The following DCUN1D4 variants were observed in gnomAD, a reference collection of about 807,000 sequenced individuals.
DCUN1D4 encodes the protein DCN1-like protein 4.
A neutral mutation model predicts 47.9 loss-of-function variants in DCUN1D4; 22 were observed. The ratio of observed to expected loss-of-function variants is 0.46; its 90% CI spans 0.33 to 0.66. The LOEUF (loss-of-function observed/expected upper bound fraction) is 0.66. DCUN1D4 is among the 30% of genes least tolerant of loss of function. DCUN1D4 has a pLI of 0.02. For missense variants in DCUN1D4, 301 were observed against 340.8 expected, an observed-to-expected ratio of 0.88 and a Z score of 0.92; for synonymous variants, 121 against 112.2, an observed-to-expected ratio of 1.08 and a Z score of -0.50.
At chr4:51,870,487 A>C (rs559837578) in intron 3 of DCUN1D4, among the ~76,000 whole-genome samples, 7 of 152,198 alleles carry the variant, frequency 4.6e-5, no homozygotes, top group African/African-American at 1.7e-4. Flanking sequence ...TAGGTGTTTT[A>C]AGTCTCTGGA....
chr4:51,867,101 G>A (rs189244776), intron 3 of DCUN1D4, among the ~76,000 whole-genome samples: 5 of 152,374 alleles, frequency 3.3e-5, no homozygotes, highest in Admixed American at 6.5e-5. Flanking sequence ...GTAGCTCCAG[G>A]TGCCAGCACA....
chr4:51,843,158 C>A lies in DCUN1D4; in HGVS notation c.-85C>A. The A allele has an allele frequency of 6.6e-7, 1 of 1,520,658 alleles. No individual in the cohort carries two copies. The highest frequency in any genetic ancestry group is 8.8e-7 in the Non-Finnish European group (1 of 1,134,620). The allele number at this position is 1,520,658 out of a possible 1,614,324, so 94.2% of individuals were successfully genotyped here. ...GTGCCCGGCGGCGGGTCCTCAGCTTCGAGCCGAGGTGCAGTGAGCTGGTGG... is the reference window on the plus strand; with the variant it reads ...GTGCCCGGCGGCGGGTCCTCAGCTTAGAGCCGAGGTGCAGTGAGCTGGTGG... On this transcript the variant is annotated 5_prime_UTR_variant, in exon 1 of 11. Transcript: ENST00000334635.
intron 1 of DCUN1D4, among the ~76,000 whole-genome samples, chr4:51,859,261 G>A (rs141230730): frequency 2.8e-4 from 42 of 152,134 alleles, no homozygotes; most frequent in African/African-American, 1.0e-3. Context: ...TGTTCATTCT[G>A]AACAATAAAA....
intron 1 of DCUN1D4, chr4:51,844,261 C>A: frequency 1.1e-6 from 1 of 900,042 alleles, no homozygotes; most frequent in Non-Finnish European, 1.3e-6. Context: ...CTCTCCCTGT[C>A]GAGGCAGGGT....
At chr4:51,891,905 C>A in intron 7 of DCUN1D4, 54 bp downstream of exon 7, 1 of 1,377,612 alleles carries the variant, frequency 7.3e-7, no homozygotes, top group South Asian at 1.3e-5. Flanking sequence ...GTGGTTGCCT[C>A]CTTCCTCCCT....
At chr4:51,850,815 A>T (rs975334082) in intron 1 of DCUN1D4, among the ~76,000 whole-genome samples, 5 of 152,108 alleles carry the variant, frequency 3.3e-5, no homozygotes, top group African/African-American at 4.8e-5. Flanking sequence ...GAAAGGCTTC[A>T]CTAAGGAGGT....
rs9942278 is a variant in DCUN1D4 at position 51,904,420 on chromosome 4, A to C, written c.615+5042A>C. 8.0e-3 allele frequency among the ~76,000 whole-genome samples: 1,210 copies of C among 152,100 alleles called. 11 individuals carry two copies. Among genetic ancestry groups the C allele is most frequent in the Middle Eastern group, 0.024 (7 of 294 alleles). ...ATATGGCCAAAGACTGAAGGAGACC[A>C]CTCTGGAGACCTTCACATCTCTTTG... is the stretch of plus-strand genomic sequence containing the variant. On this transcript the variant is annotated intron_variant, in intron 8 of 10. Coordinates refer to ENST00000334635, the MANE Select transcript of DCUN1D4 (RefSeq NM_001040402.3).
At chr4:51,866,401 G>A (rs1725917395) in intron 3 of DCUN1D4, among the ~76,000 whole-genome samples, 1 of 118,736 alleles carries the variant, frequency 8.4e-6, no homozygotes, top group Admixed American at 7.3e-5. Context: ...TGATGATGAT[G>A]ATGATGATGT....
chr4:51,891,387 A>C (rs1042982482), intron 6 of DCUN1D4, among the ~76,000 whole-genome samples: 1 of 152,210 alleles, frequency 6.6e-6, no homozygotes, highest in Admixed American at 6.5e-5. Context: ...AATACTGTTG[A>C]CTAAAATTCA....
At chr4:51,880,422 G>A (rs937179578) in intron 5 of DCUN1D4, among the ~76,000 whole-genome samples, 7 of 152,244 alleles carry the variant, frequency 4.6e-5, no homozygotes, top group Admixed American at 3.9e-4. Flanking sequence ...GAGTGGAGGG[G>A]CAGCGGGGGC....
chr4:51,903,399 C>T (rs908673136), intron 8 of DCUN1D4, among the ~76,000 whole-genome samples: 9 of 152,146 alleles, frequency 5.9e-5, no homozygotes, highest in Non-Finnish European at 8.8e-5. Flanking sequence ...CCTCTAAACA[C>T]GTCTTTTGTT....
intron 1 of DCUN1D4, among the ~76,000 whole-genome samples, chr4:51,855,488 T>A (rs942810259): frequency 3.9e-5 from 6 of 151,992 alleles, no homozygotes; most frequent in African/African-American, 1.2e-4. Context: ...AGATGAGACA[T>A]CTCTGATGAG....
intron 8 of DCUN1D4, among the ~76,000 whole-genome samples, chr4:51,905,974 A>G (rs557582173): frequency 6.6e-6 from 1 of 152,282 alleles, no homozygotes; most frequent in South Asian, 2.1e-4. Context: ...AGAAACTGCT[A>G]GAGAGGGAGA....
At chr4:51,857,187 G>A (rs534662100) in intron 1 of DCUN1D4, among the ~76,000 whole-genome samples, 11 of 152,110 alleles carry the variant, frequency 7.2e-5, no homozygotes, top group Admixed American at 2.0e-4. Context: ...TTTTCATCTC[G>A]CTTCTTCCTT....
chr4:51,874,679 C>A (rs576892455), intron 4 of DCUN1D4: 1 of 261,166 alleles, frequency 3.8e-6, no homozygotes, highest in South Asian at 5.0e-5. Context: ...GCTGTCTGTG[C>A]CTGCTGAGGA....
intron 1 of DCUN1D4, among the ~76,000 whole-genome samples, chr4:51,857,249 T>A (rs865862843): frequency 6.6e-6 from 1 of 152,280 alleles, no homozygotes; most frequent in Middle Eastern, 3.4e-3. Flanking sequence ...AAGCTAAATA[T>A]CTATTTTCTG....
At chr4:51,909,014 T>C (rs907562382) in intron 8 of DCUN1D4, 2 of 456,040 alleles carry the variant, frequency 4.4e-6, no homozygotes, top group African/African-American at 4.0e-5. Context: ...CCTGTGAGTC[T>C]GATGCCTTTC....
upstream of DCUN1D4, among the ~76,000 whole-genome samples, chr4:51,840,277 G>T (rs1721596829): frequency 6.6e-6 from 1 of 151,980 alleles, no homozygotes; most frequent in Admixed American, 6.6e-5. Context: ...AAAAAGTGAA[G>T]TATTGATTTA....
At chr4:51,864,581 C>G (rs1725602293) in intron 3 of DCUN1D4, among the ~76,000 whole-genome samples, 1 of 152,100 alleles carries the variant, frequency 6.6e-6, no homozygotes, top group Non-Finnish European at 1.5e-5. Flanking sequence ...CCAGCAGATC[C>G]TGGGTCTGGT....
Sources: allele counts gnomAD v4.1 joint callset (sites outside exome capture counted in the v4.1 genomes callset), GRCh38; gene constraint gnomAD v4.1.1; transcripts MANE v1.5; gene names NCBI Gene and HGNC (gene_info 2026-07-23, HGNC 2026-07-21).